DENND3: variants seen among roughly 807,000 people sequenced by gnomAD.
DENND3 encodes the protein DENN domain containing 3.
DENND3 carries 88 observed loss-of-function variants against 135.1 expected under a neutral mutation model. That is an observed-to-expected ratio of 0.65 (90% CI 0.55 to 0.78). The LOEUF is 0.78. DENND3 is among the 30% of genes least tolerant of loss of function. DENND3 has a pLI of 0.00. For synonymous variants in DENND3, 693 were observed against 712.3 expected (o/e 0.97, Z 0.43); for missense variants, 1,392 against 1,688.4 (o/e 0.82, Z 3.08).
At chr8:141,180,579 G>A (rs922147525) in intron 16 of DENND3, among the ~76,000 whole-genome samples, 168 bp from the exon 17 acceptor site, 3 of 152,194 alleles carry the variant, frequency 2.0e-5, no homozygotes, top group Non-Finnish European at 4.4e-5. Context: ...GGCCGAGGGT[G>A]CATGGCTTTC....
intron 8 of DENND3, chr8:141,157,583 C>T (rs1246954721): frequency 1.0e-6 from 1 of 985,716 alleles, no homozygotes; most frequent in Non-Finnish European, 1.2e-6. Context: ...GGATTTCAGT[C>T]AGCCATCACC....
rs550392989 is a variant in DENND3, at chr8:141,166,754, C to T, written c.1753+365C>T. Among the ~76,000 whole-genome samples the T allele has an allele frequency of 6.6e-6, 1 of 152,282 alleles. No individual in the cohort carries two copies. Among genetic ancestry groups the T allele is most frequent in the African/African-American group, 2.4e-5 (1 of 41,548 alleles). On this transcript the variant is annotated intron_variant, in intron 12 of 22. Transcript: ENST00000519811. The surrounding 1 kb of genome is among the most constrained non-coding windows in gnomAD (Gnocchi z 4.3). ...GGAGCGCACCAGGCACTTTCTAGAG[C>T]CGGAGCTGTGAAGGAGCCCAGTGCC... is the stretch of plus-strand genomic sequence containing the variant.
rs1822183846 is a variant in DENND3, at chr8:141,175,280, G to A, written c.2356G>A (p.Val786Ile). 1 of 1,614,220 alleles carries A rather than the reference G, an allele frequency of 6.2e-7. No homozygotes were observed. The highest frequency in any genetic ancestry group is 8.5e-7 in the Non-Finnish European group (1 of 1,180,040). The change falls in exon 14 of 23, where the codon GTC (valine) becomes ATC (isoleucine). Residue 786 changes from valine (V) to isoleucine (I), a missense_variant. Transcript: ENST00000519811. The surrounding 1 kb of genome is among the most constrained non-coding windows in gnomAD (Gnocchi z 5.4). ...GGAGACGGAAGCAGAAGCCCAGGAG[G>A]TCAGTCTGCCGTGGCTGGTGATGGA... The part of the protein sequence containing the change: ...WKETEAEAQE[V>I]SLPWLVMEHL...
Position 141,130,671 on chromosome 8 carries a change from T to A in DENND3, c.102+1862T>A, listed in dbSNP as rs1355439199. Among the ~76,000 whole-genome samples the A allele has an allele frequency of 6.6e-6, 1 of 150,940 alleles. No homozygotes were observed. The highest frequency in any genetic ancestry group is 1.5e-5 in the Non-Finnish European group (1 of 67,806). On this transcript the variant is annotated intron_variant, in intron 1 of 22. Transcript: ENST00000519811. The surrounding 1 kb of genome is among the most constrained non-coding windows in gnomAD (Gnocchi z 4.2). ...GTTTTTTCGGCGGTTCTATTTTGAA[T>A]GTCCAAGGCTTTTAAATATATTTTT...
rs1818997873 is a variant in DENND3, at chr8:141,153,060, A to ACATTTAAC, written c.1074+1224_1074+1231dup. Among the ~76,000 whole-genome samples the ACATTTAAC allele has an allele frequency of 2.1e-5, 3 of 145,816 alleles. No homozygotes were observed. In the South Asian group the frequency reaches 6.6e-4, roughly 32 times the overall value. On this transcript the variant is annotated intron_variant, in intron 7 of 22. Transcript: ENST00000519811. ...TTGGTGGTTTGTACAGGGTCGGTTT[A>ACATTTAAC]CATTTAACTTTCCATTTTGAACAAT...
At chr8:141,147,800 A>G (rs1246770999) in intron 5 of DENND3, among the ~76,000 whole-genome samples, 1 of 152,242 alleles carries the variant, frequency 6.6e-6, no homozygotes, top group Non-Finnish European at 1.5e-5. Flanking sequence ...GGGCCCGCAC[A>G]GAGCTGCCCA....
intron 1 of DENND3, among the ~76,000 whole-genome samples, chr8:141,135,644 G>A (rs903481503): frequency 1.3e-5 from 2 of 152,184 alleles, no homozygotes; most frequent in East Asian, 1.9e-4. Context: ...GAAATCAGCC[G>A]GGCAGCAGTA....
intron 5 of DENND3, among the ~76,000 whole-genome samples, chr8:141,147,068 C>T (rs1818237222): frequency 6.6e-6 from 1 of 152,314 alleles, no homozygotes; most frequent in African/African-American, 2.4e-5. Context: ...TTCATCTCGA[C>T]GCACCCGTGA....
chr8:141,143,141 A>G (rs1817660076), intron 4 of DENND3: 1 of 152,240 alleles, frequency 6.6e-6, no homozygotes, highest in Admixed American at 6.5e-5. Flanking sequence ...GTATGACAAC[A>G]CGAATTTGTA....
rs897678569 is a variant in DENND3, at chr8:141,146,125, C to T, written c.735+1866C>T. Among the ~76,000 whole-genome samples the T allele has an allele frequency of 3.3e-5, 5 of 152,092 alleles. No individual in the cohort carries two copies. Among genetic ancestry groups the T allele is most frequent in the South Asian group, 2.1e-4 (1 of 4,826 alleles). On this transcript the variant is annotated intron_variant, in intron 5 of 22. Transcript: ENST00000519811. The surrounding 1 kb of genome is among the most constrained non-coding windows in gnomAD (Gnocchi z 4.3). The stretch of plus-strand genomic sequence containing the variant: ...GCCTCCCGAAGTGCTGGGATTACAG[C>T]GTGAGCCACCGCGCCCGCCCTGGAT...
rs1452482926 is a variant in DENND3 at position 141,168,204 on chromosome 8, C to T, written c.1954C>T (p.Gln652Ter). Residue 652 changes from glutamine to a stop codon, truncating the protein, a stop_gained, in exon 13 of 23, where the codon CAG becomes TAG. Transcript: ENST00000519811. LOFTEE classifies it high-confidence loss of function. The surrounding 1 kb of genome is among the most constrained non-coding windows in gnomAD (Gnocchi z 6.2). Reference sequence around the variant, plus strand: ...AGGGCTCGTTTATCTGATGCAGGGACAGCTGCTGAACGCCCTCTTGGACTT... The same window carrying T: ...AGGGCTCGTTTATCTGATGCAGGGATAGCTGCTGAACGCCCTCTTGGACTT... ...LRGLVYLMQGQLLNALLDFQN... is the reference protein window; with the variant it reads ...LRGLVYLMQG The T allele has an allele frequency of 1.2e-6, 2 of 1,614,086 alleles. No individual in the cohort carries two copies. Among genetic ancestry groups the T allele is most frequent in the Non-Finnish European group, 1.7e-6 (2 of 1,180,052 alleles).
rs1817031257 is a variant in DENND3, at chr8:141,138,367, C to T, written c.501+230C>T. Among the ~76,000 whole-genome samples the T allele has an allele frequency of 2.0e-5, 3 of 152,050 alleles. No individual in the cohort carries two copies. Among genetic ancestry groups the T allele is most frequent in the Admixed American group, 6.6e-5 (1 of 15,258 alleles). ...CTTCAGTCCTGCTTCCCCTTCCTGC[C>T]TGGCGATGGCTAATCTGCTTGCTTT... On this transcript the variant is annotated intron_variant, in intron 3 of 22. Coordinates refer to ENST00000519811, the MANE Select transcript of DENND3 (RefSeq NM_001352890.3). This position sits in a 1 kb window ranked among gnomAD's most constrained non-coding sequence, Gnocchi z 4.8.
chr8:141,180,547 C>A (rs554789853), intron 16 of DENND3, among the ~76,000 whole-genome samples, 200 bp from the exon 17 acceptor site: 1 of 152,224 alleles, frequency 6.6e-6, no homozygotes, highest in East Asian at 1.9e-4. Context: ...CACTCGCACA[C>A]CAGGTGACAA....
In DENND3 at chr8:141,139,782, C is replaced by T. The variant is rs542090430; in HGVS notation, c.502-1421C>T. On this transcript the variant is annotated intron_variant, in intron 3 of 22. Transcript: ENST00000519811. This position sits in a 1 kb window ranked among gnomAD's most constrained non-coding sequence, Gnocchi z 4.2. ...CACTGTTCCCAGTGTGCCGGCCTGG[C>T]GTGGGCATGCCTGGTCCTGCTCCTG... 2.0e-5 allele frequency among the ~76,000 whole-genome samples: 3 copies of T among 152,334 alleles called. No individual in the cohort carries two copies. Among genetic ancestry groups the T allele is most frequent in the Admixed American group, 6.5e-5 (1 of 15,308 alleles).
In DENND3 at chr8:141,194,171, A is replaced by G; in HGVS notation, c.3775A>G (p.Arg1259Gly). 1.2e-6 allele frequency: 2 copies of G among 1,613,708 alleles called. No homozygotes were observed. The highest frequency in any genetic ancestry group is 1.7e-6 in the Non-Finnish European group (2 of 1,179,978). The change falls in exon 23 of 23, where the codon AGA becomes GGA. Residue 1259 changes from arginine to glycine, a missense_variant. By Grantham distance (125) the Arg-to-Gly change is moderately radical (BLOSUM62 -2). Coordinates refer to ENST00000519811, the MANE Select transcript of DENND3 (RefSeq NM_001352890.3). The part of the protein sequence containing the change: ...TVRTLCSAED[R>G]YVLSGSGREE... Reference sequence around the variant, plus strand: ...GAGGACGCTGTGCTCGGCTGAGGACAGATACGTGCTGAGTGGGTCGGGCAG... The same window carrying G: ...GAGGACGCTGTGCTCGGCTGAGGACGGATACGTGCTGAGTGGGTCGGGCAG...
rs1052874635 is a variant in DENND3 at position 141,137,961 on chromosome 8, C to T, written c.386-61C>T. 59 of 1,523,580 alleles carry T rather than the reference C, an allele frequency of 3.9e-5. No homozygotes were observed. The highest frequency in any genetic ancestry group is 2.4e-4 in the Admixed American group (12 of 50,654). 94.4% of individuals were successfully genotyped at this position (1,523,580 alleles called of 1,614,324 possible). On this transcript the variant is annotated intron_variant, in intron 2 of 22. Transcript: ENST00000519811. The surrounding 1 kb of genome is among the most constrained non-coding windows in gnomAD (Gnocchi z 4.1). ...CCTAAACACTGTGAAGAAATCAGCT[C>T]GTGGGTAACCCAGGCCACTTGGCAA...
chr8:141,158,396 G>C, intron 8 of DENND3: 1 of 1,132,360 alleles, frequency 8.8e-7, no homozygotes, highest in South Asian at 1.8e-5. Context: ...GTAGGATTCT[G>C]CCTGCATCCT....
chr8:141,189,188 T>TGG, intron 19 of DENND3, 42 bp downstream of exon 19: 1 of 1,613,332 alleles, frequency 6.2e-7, no homozygotes, highest in Non-Finnish European at 8.5e-7. Flanking sequence ...GTTTGGCTTG[T>TGG]GGGTGGGCAG....
Position 141,175,152 on chromosome 8 carries a change from G to A in DENND3, c.2276-48G>A, listed in dbSNP as rs368220553. 2.1e-5 allele frequency: 33 copies of A among 1,565,046 alleles called. No homozygotes were observed. The African/African-American group carries it at 2.6e-4, about 12-fold the overall frequency. On this transcript the variant is annotated intron_variant, in intron 13 of 22. Coordinates refer to ENST00000519811, the MANE Select transcript of DENND3 (RefSeq NM_001352890.3). The surrounding 1 kb of genome is among the most constrained non-coding windows in gnomAD (Gnocchi z 5.4). Reference sequence around the variant, plus strand: ...TCATGGAGAAGCCCTTGGGGCTCCCGAGGTATGTGGCTGTAAGATACCTCT... The same window carrying A: ...TCATGGAGAAGCCCTTGGGGCTCCCAAGGTATGTGGCTGTAAGATACCTCT...
Sources: allele counts gnomAD v4.1 joint callset (sites outside exome capture counted in the v4.1 genomes callset), GRCh38; gene constraint gnomAD v4.1.1; non-coding constraint Gnocchi (gnomAD v3.1); transcripts MANE v1.5; gene names NCBI Gene and HGNC (gene_info 2026-07-23, HGNC 2026-07-21).